The following DCLK3 variants were observed in gnomAD, a reference collection of about 807,000 sequenced individuals.
DCLK3 encodes the protein serine/threonine-protein kinase DCLK3.
DCLK3 carries 30 observed loss-of-function variants against 46.4 expected under a neutral mutation model. The ratio of observed to expected loss-of-function variants is 0.65; its 90% CI spans 0.48 to 0.88. The LOEUF (loss-of-function observed/expected upper bound fraction) is 0.88. Ranked by LOEUF, DCLK3 falls within the 40% of genes least tolerant of loss-of-function variation. The probability of loss-of-function intolerance (pLI) is 0.00; values close to 1 mark genes in which losing one functional copy is unlikely to be tolerated. For synonymous variants in DCLK3, 401 were observed against 339.2 expected (o/e 1.18, Z -2.00); for missense variants, 846 against 907.1 (o/e 0.93, Z 0.87).
chr3:36,744,626 T>G (rs1186274536), intron 1 of DCLK3, among the ~76,000 whole-genome samples: 1 of 152,240 alleles, frequency 6.6e-6, no homozygotes, highest in Non-Finnish European at 1.5e-5. Context: ...TTGCTCTGCC[T>G]AGAGTGAGCA....
At chr3:36,736,995 G>A (rs1701271008) in intron 2 of DCLK3, among the ~76,000 whole-genome samples, 1 of 152,088 alleles carries the variant, frequency 6.6e-6, no homozygotes, top group South Asian at 2.1e-4. Flanking sequence ...ATTTAAATTG[G>A]AAGGTTTCTT....
intron 4 of DCLK3, among the ~76,000 whole-genome samples, 158 bp downstream of exon 4, chr3:36,717,852 T>C (rs1021729338): frequency 6.6e-6 from 1 of 152,118 alleles, no homozygotes; most frequent in Non-Finnish European, 1.5e-5. Flanking sequence ...GTTTTCAGAG[T>C]GCTACACAAA....
chr3:36,734,986 C>A (rs1372844227), intron 2 of DCLK3, among the ~76,000 whole-genome samples: 1 of 152,238 alleles, frequency 6.6e-6, no homozygotes, highest in African/African-American at 2.4e-5. Context: ...ACTCAACCAA[C>A]TGGTTCCAGG....
rs781759653 is a variant in DCLK3, at chr3:36,738,242, C to T, written c.925G>A (p.Glu309Lys). 9 of 1,579,836 alleles carry T rather than the reference C, an allele frequency of 5.7e-6. No homozygotes were observed. Among genetic ancestry groups the T allele is most frequent in the South Asian group, 1.2e-5 (1 of 84,736 alleles). ...EKTSGEIIRC[E>K]KCKRERELQQ... Reference sequence around the variant, plus strand: ...AGCTCCCTCTCTCTCTTGCACTTCTCGCATCTGATAATTTCACCCGAGGTC... The same window carrying T: ...AGCTCCCTCTCTCTCTTGCACTTCTTGCATCTGATAATTTCACCCGAGGTC... The change falls in exon 2 of 5, where the codon GAG becomes AAG. Residue 309 changes from glutamate (E) to lysine (K), a missense_variant. Transcript: ENST00000636136.
At chr3:36,730,550 G>A (rs994168567) in intron 2 of DCLK3, among the ~76,000 whole-genome samples, 3 of 152,114 alleles carry the variant, frequency 2.0e-5, no homozygotes, top group South Asian at 4.1e-4. Flanking sequence ...AGTGATAAGC[G>A]TTATGAAAAA....
Position 36,713,861 on chromosome 3 carries a change from C to G in DCLK3, c.*1467G>C, listed in dbSNP as rs962944254. 6.6e-6 allele frequency: 1 copy of G among 152,274 alleles called. No individual in the cohort carries two copies. The highest frequency in any genetic ancestry group is 1.5e-5 in the Non-Finnish European group (1 of 68,090). 9.4% of individuals were successfully genotyped at this position (152,274 alleles called of 1,614,324 possible). ...AAAGGAGCTGAGCCACCATACCCTA[C>G]AGGGACTAGTCATTTGATATAGCCT... On this transcript the variant is annotated 3_prime_UTR_variant, in exon 5 of 5. Transcript: ENST00000636136.
chr3:36,717,275 A>G (rs1700996215), intron 4 of DCLK3, among the ~76,000 whole-genome samples: 1 of 151,988 alleles, frequency 6.6e-6, no homozygotes, highest in Non-Finnish European at 1.5e-5. Context: ...AATTTGTTTC[A>G]TTTTTTGTAG....
At chr3:36,741,147 T>C (rs1438978804) in intron 1 of DCLK3, among the ~76,000 whole-genome samples, 1 of 152,194 alleles carries the variant, frequency 6.6e-6, no homozygotes, top group Non-Finnish European at 1.5e-5. Flanking sequence ...CTGAGATAGC[T>C]GATGTTGAGA....
At position 36,718,137 on chromosome 3, in the gene DCLK3, G is replaced by T; in HGVS notation, c.2133C>A (p.Ile711=). 2 of 1,614,098 alleles carry T rather than the reference G, an allele frequency of 1.2e-6. No individual in the cohort carries two copies. The highest frequency in any genetic ancestry group is 8.5e-7 in the Non-Finnish European group (1 of 1,180,028). Residue 711 remains isoleucine (I), a synonymous_variant, in exon 4 of 5, where the codon ATC becomes ATA. Transcript: ENST00000636136. ...LEVDMWAAGV[I]LYILLCGFPP... ...GAAAGCCACACAGCAGGATATAGAG[G>T]ATCACGCCAGCAGCCCACATGTCCA...
Position 36,712,849 on chromosome 3 carries a change from T to C in DCLK3, c.*2479A>G, listed in dbSNP as rs1700926921. 1.3e-5 allele frequency: 2 copies of C among 152,226 alleles called. No homozygotes were observed. The highest frequency in any genetic ancestry group is 4.1e-4 in the South Asian group (2 of 4,830). The allele number at this position is 152,226 out of a possible 1,614,324, so 9.4% of individuals were successfully genotyped here. A position where few individuals can be genotyped will look rare whatever the true frequency, so the allele number is the denominator to read the frequency against. ...TTATCCATGCACCAAATCATGCCCA[T>C]TCAAGATGTTTCCACTTTGGGGCTA... On this transcript the variant is annotated 3_prime_UTR_variant, in exon 5 of 5. Transcript: ENST00000636136.
rs201391885 is a variant in DCLK3 at position 36,715,371 on chromosome 3, T to A, written c.2411A>T (p.His804Leu). The change falls in exon 5 of 5, where the codon CAC (histidine) becomes CTC (leucine). Residue 804 changes from histidine (H) to leucine (L), a missense_variant. By Grantham distance (99) the His-to-Leu change is moderately conservative (BLOSUM62 -3). Around this residue, in one of 3 missense-constraint regions of DCLK3, gnomAD observed 46 missense variants for 41.3 expected, o/e 1.11. Coordinates refer to ENST00000636136, the MANE Select transcript of DCLK3 (RefSeq NM_001394672.2). The stretch of plus-strand genomic sequence containing the variant: ...AACCCTCTTGTGCTGGCTCCGGAAG[T>A]GACCCTCGCTGCTGGGGGACACCTG... ...QKQVSPSSEG[H>L]FRSQHKRVVE... The A allele has an allele frequency of 3.1e-6, 5 of 1,614,178 alleles. No homozygotes were observed. In the East Asian group the frequency reaches 1.1e-4, roughly 36 times the overall value.
intron 2 of DCLK3, among the ~76,000 whole-genome samples, chr3:36,726,628 T>C (rs1701128463): frequency 6.6e-6 from 1 of 152,108 alleles, no homozygotes; most frequent in Non-Finnish European, 1.5e-5. Flanking sequence ...TTCTCCCCAC[T>C]TGCTTTGGTT....
At position 36,721,575 on chromosome 3, in the gene DCLK3, C is replaced by G; in HGVS notation, c.2044G>C (p.Val682Leu). Residue 682 changes from valine (V) to leucine (L), a missense_variant, in exon 3 of 5, where the codon GTG becomes CTG. Val to Leu is a conservative substitution (Grantham distance 32). Coordinates refer to ENST00000636136, the MANE Select transcript of DCLK3 (RefSeq NM_001394672.2). ...GCTACGTAAGTTGGGGTCCCACACACAGTAAATATAGGTCTCACCACATGC... is the reference window on the plus strand; with the variant it reads ...GCTACGTAAGTTGGGGTCCCACACAGAGTAAATATAGGTCTCACCACATGC... ...AKHVVRPIFT[V>L]CGTPTYVAPE... The G allele has an allele frequency of 1.2e-6, 2 of 1,614,176 alleles. No homozygotes were observed. The highest frequency in any genetic ancestry group is 1.7e-6 in the Non-Finnish European group (2 of 1,180,008).
intron 1 of DCLK3, among the ~76,000 whole-genome samples, chr3:36,756,858 T>G (rs549779883): frequency 6.6e-6 from 1 of 151,700 alleles, no homozygotes; most frequent in Non-Finnish European, 1.5e-5. Flanking sequence ...GTGACAGGTA[T>G]GCCTTCGCTC....
At chr3:36,716,975 G>A (rs903019959) in intron 4 of DCLK3, among the ~76,000 whole-genome samples, 1 of 152,154 alleles carries the variant, frequency 6.6e-6, no homozygotes, top group African/African-American at 2.4e-5. Context: ...TATTTAAAGG[G>A]GGGAAAATGA....
Position 36,759,638 on chromosome 3 carries a change from C to T in DCLK3, c.82+4544G>A, listed in dbSNP as rs373636138. Among the ~76,000 whole-genome samples, 17 of 152,302 alleles carry T rather than the reference C, an allele frequency of 1.1e-4. No homozygotes were observed. The East Asian group carries it at 1.4e-3, about 12-fold the overall frequency. ...CAAGTCCTCCCCATCACACTCCATG[C>T]TCCAAACAACTCTTAGTTCAGTGAC... is the stretch of plus-strand genomic sequence containing the variant. On this transcript the variant is annotated intron_variant, in intron 1 of 4. Transcript: ENST00000636136.
In DCLK3 at chr3:36,737,527, G is replaced by T. The variant is rs1435621505; in HGVS notation, c.1640C>A (p.Thr547Asn). Residue 547 changes from threonine to asparagine, a missense_variant, in exon 2 of 5, where the codon ACC becomes AAC. This residue lies in a region of DCLK3 where 247 missense variants were observed against 322.8 expected (regional missense o/e 0.77). Transcript: ENST00000636136. The surrounding 1 kb of genome is among the most constrained non-coding windows in gnomAD (Gnocchi z 4.4). ...AVVKECRHRE[T>N]RQAYAMKIID... ...GATCTTCATCGCATAGGCCTGCCTG[G>T]TCTCGCGGTGTCTGCACTCCTTCAC... 6.2e-7 allele frequency: 1 copy of T among 1,614,134 alleles called. No individual in the cohort carries two copies. The highest frequency in any genetic ancestry group is 1.1e-5 in the South Asian group (1 of 91,056).
In DCLK3 at chr3:36,741,515, T is replaced by TA. The variant is rs566576565; in HGVS notation, c.83-2432dup. ...GACCTACCAGGAAAACCTAGAGGCA[T>TA]AAAGAGGATGTAATGAAATCCAATG... On this transcript the variant is annotated intron_variant, in intron 1 of 4. Coordinates refer to ENST00000636136, the MANE Select transcript of DCLK3 (RefSeq NM_001394672.2). Among the ~76,000 whole-genome samples, 222 of 152,142 alleles carry TA rather than the reference T, an allele frequency of 1.5e-3. 1 individual carries two copies. The highest frequency in any genetic ancestry group is 2.4e-3 in the Non-Finnish European group (162 of 68,004).
At chr3:36,744,167 A>G (rs987766143) in intron 1 of DCLK3, among the ~76,000 whole-genome samples, 3 of 152,178 alleles carry the variant, frequency 2.0e-5, no homozygotes, top group Non-Finnish European at 2.9e-5. Flanking sequence ...CTGCCCCAGT[A>G]CAGAGAGCAA....
Sources: gnomAD v4.1 joint callset for allele counts (sites outside exome capture counted in the v4.1 genomes callset) on GRCh38, gnomAD v4.1.1 for gene constraint, gnomAD v4.1.1 regional missense constraint, Gnocchi (gnomAD v3.1) non-coding constraint, MANE v1.5 for transcripts, NCBI Gene and HGNC (gene_info 2026-07-23, HGNC 2026-07-21) for gene names.